FGD4: variants seen among roughly 807,000 people sequenced by gnomAD.
The protein encoded by FGD4 is FYVE, RhoGEF and PH domain-containing protein 4.
A neutral mutation model predicts 102.0 loss-of-function variants in FGD4; 42 were observed. That is an observed-to-expected ratio of 0.41 (90% CI 0.32 to 0.53). The LOEUF (loss-of-function observed/expected upper bound fraction) is 0.53, where lower values mean the gene tolerates loss of function less well. FGD4 is among the 20% of genes least tolerant of loss of function. The pLI is 0.21. For missense variants in FGD4, 902 were observed against 1,078.2 expected, an observed-to-expected ratio of 0.84 and a Z score of 2.29; for synonymous variants, 380 against 375.7, an observed-to-expected ratio of 1.01 and a Z score of -0.13.
rs537034073 is a variant in FGD4, at chr12:32,520,688, G to A, written c.167-43449G>A. On this transcript the variant is annotated intron_variant, in intron 1 of 16. Transcript: ENST00000534526. ...CCTGACCTCGTGATCCACCCGCCTC[G>A]GCCTCCCAAAGTGCTGGGATTACAG... Among the ~76,000 whole-genome samples the A allele has an allele frequency of 2.2e-3, 333 of 151,876 alleles. 3 individuals are homozygous for A. Among genetic ancestry groups the A allele is most frequent in the African/African-American group, 7.3e-3 (301 of 41,414 alleles).
intron 1 of FGD4, among the ~76,000 whole-genome samples, chr12:32,534,683 G>T (rs1942090820): frequency 6.6e-6 from 1 of 152,186 alleles, no homozygotes; most frequent in Admixed American, 6.5e-5. Flanking sequence ...GGCTCTCCAG[G>T]AGGCTTCTTC....
intron 1 of FGD4, among the ~76,000 whole-genome samples, chr12:32,504,050 T>G (rs1034830003): frequency 3.3e-5 from 5 of 152,200 alleles, no homozygotes; most frequent in Admixed American, 6.5e-5. Flanking sequence ...AGTTAAAGTT[T>G]TAAGATTGTG....
intron 14 of FGD4, among the ~76,000 whole-genome samples, chr12:32,631,194 G>A (rs1950481535): frequency 6.6e-6 from 1 of 152,168 alleles, no homozygotes; most frequent in African/African-American, 2.4e-5. Context: ...TCATGATTTG[G>A]TCAGCCATTG....
intron 1 of FGD4, among the ~76,000 whole-genome samples, chr12:32,463,383 CT>C: frequency 6.6e-6 from 1 of 152,234 alleles, no homozygotes; most frequent in South Asian, 2.1e-4. Context: ...CAAGAGTCAC[CT>C]TTGTTGTGGA....
chr12:32,577,101 AT>A (rs1251011027), intron 3 of FGD4, among the ~76,000 whole-genome samples: 1 of 152,144 alleles, frequency 6.6e-6, no homozygotes, highest in Non-Finnish European at 1.5e-5. Context: ...GGTAGGTGAA[AT>A]ATTATATTTC....
chr12:32,601,629 G>A (rs113350199), intron 6 of FGD4, among the ~76,000 whole-genome samples: 2 of 152,142 alleles, frequency 1.3e-5, no homozygotes, highest in African/African-American at 2.4e-5. Context: ...ACAAGATATC[G>A]GGTAATGTGG....
intron 1 of FGD4, among the ~76,000 whole-genome samples, chr12:32,524,396 A>T (rs1257549588): frequency 4.4e-5 from 3 of 68,770 alleles, no homozygotes; most frequent in African/African-American, 1.6e-4. Context: ...ACTCTGTCTC[A>T]AAAAAAAAAA....
At chr12:32,509,979 G>T (rs1939189703) in intron 1 of FGD4, among the ~76,000 whole-genome samples, 1 of 152,212 alleles carries the variant, frequency 6.6e-6, no homozygotes, top group African/African-American at 2.4e-5. Flanking sequence ...AGACTCCAAT[G>T]GGCTAAGCTT....
chr12:32,539,570 A>AGG (rs34387616), intron 1 of FGD4, among the ~76,000 whole-genome samples: 14 of 132,660 alleles, frequency 1.1e-4, no homozygotes, highest in African/African-American at 2.7e-4. Context: ...ACTCTGTCTC[A>AGG]GGGGGGAAAA....
chr12:32,576,521 GATAC>G, intron 3 of FGD4, 72 bp downstream of exon 3: 2 of 1,503,028 alleles, frequency 1.3e-6, no homozygotes, highest in South Asian at 1.1e-5. Context: ...GATAGTCATA[GATAC>G]ATTCTAAATA....
chr12:32,415,883 TTTG>T (rs1237458599), intron 1 of FGD4, among the ~76,000 whole-genome samples: 1 of 152,246 alleles, frequency 6.6e-6, no homozygotes, highest in Non-Finnish European at 1.5e-5. Context: ...CTGCTCTTTT[TTTG>T]TTTTCATTGG....
chr12:32,468,663 G>A (rs1357195283), intron 1 of FGD4, among the ~76,000 whole-genome samples: 1 of 152,118 alleles, frequency 6.6e-6, no homozygotes, highest in Non-Finnish European at 1.5e-5. Flanking sequence ...GATGGCTTGA[G>A]TCCAGGAGGT....
At chr12:32,553,817 G>GA (rs1943888481) in intron 1 of FGD4, among the ~76,000 whole-genome samples, 1 of 152,168 alleles carries the variant, frequency 6.6e-6, no homozygotes, top group Non-Finnish European at 1.5e-5. Context: ...ATAATAAACA[G>GA]AAACATGCTG....
chr12:32,628,473 GA>G (rs1176868190), intron 14 of FGD4, among the ~76,000 whole-genome samples: 2 of 152,056 alleles, frequency 1.3e-5, no homozygotes, highest in African/African-American at 4.8e-5. Flanking sequence ...GCATGGAGGG[GA>G]AAGTGGGAGA....
chr12:32,602,228 T>C lies in FGD4; in HGVS notation c.1315T>C (p.Tyr439His). 1 of 1,614,116 alleles carries C rather than the reference T, an allele frequency of 6.2e-7. No individual in the cohort carries two copies. Among genetic ancestry groups the C allele is most frequent in the Non-Finnish European group, 8.5e-7 (1 of 1,179,974 alleles). ...ACCATTCCTTAAGATGTATGGAGAA[T>C]ATGTGAAAGGATTTGATAATGCAAT... Reference protein sequence around the residue: ...LAPFLKMYGEYVKGFDNAMEL... With the variant: ...LAPFLKMYGEHVKGFDNAMEL... Residue 439 changes from tyrosine (Y) to histidine (H), a missense_variant, in exon 7 of 17, where the codon TAT becomes CAT. Tyr to His is a moderately conservative substitution (Grantham distance 83, BLOSUM62 2). Coordinates refer to ENST00000534526, the MANE Select transcript of FGD4 (RefSeq NM_001370298.3).
chr12:32,573,221 G>A (rs1221087086), intron 2 of FGD4, among the ~76,000 whole-genome samples: 2 of 152,096 alleles, frequency 1.3e-5, no homozygotes, highest in South Asian at 2.1e-4. Context: ...TCAGCCTCCC[G>A]AGTAGCTGGG....
At chr12:32,408,488 A>C (rs1248023064) in intron 1 of FGD4, among the ~76,000 whole-genome samples, 1 of 152,132 alleles carries the variant, frequency 6.6e-6, no homozygotes, top group African/African-American at 2.4e-5. Context: ...TTTTTAATAG[A>C]GATGGGGTTT....
chr12:32,416,207 C>T (rs1406159298), intron 1 of FGD4, among the ~76,000 whole-genome samples: 1 of 152,146 alleles, frequency 6.6e-6, no homozygotes, highest in Non-Finnish European at 1.5e-5. Flanking sequence ...CCTGTGTTGC[C>T]CAGGCTGGTC....
chr12:32,620,103 T>C (rs1949716246), intron 11 of FGD4, among the ~76,000 whole-genome samples: 1 of 152,146 alleles, frequency 6.6e-6, no homozygotes, highest in Non-Finnish European at 1.5e-5. Context: ...ATTCAGTAAA[T>C]TGATTAACTC....
Sources: gnomAD v4.1 joint callset for allele counts (sites outside exome capture counted in the v4.1 genomes callset) on GRCh38, gnomAD v4.1.1 for gene constraint, MANE v1.5 for transcripts, NCBI Gene and HGNC (gene_info 2026-07-23, HGNC 2026-07-21) for gene names.